PRMT8: variants seen among roughly 807,000 people sequenced by gnomAD.
PRMT8 encodes the protein protein arginine methyltransferase 8.
In PRMT8, 7 loss-of-function variants were observed where a neutral mutation model predicts 47.1. That is an observed-to-expected ratio of 0.15 (90% CI 0.08 to 0.28). The LOEUF (loss-of-function observed/expected upper bound fraction) is 0.28. Ranked by LOEUF, PRMT8 falls within the 10% of genes least tolerant of loss-of-function variation. The pLI, the probability that PRMT8 is intolerant of heterozygous loss-of-function variation, is 1.00. For synonymous variants in PRMT8, 188 were observed against 186.5 expected (o/e 1.01, Z -0.07); for missense variants, 237 against 505.4 (o/e 0.47, Z 5.09).
chr12:3,573,878 T>G (rs1424905900), intron 6 of PRMT8: 1 of 152,214 alleles, frequency 6.6e-6, no homozygotes, highest in East Asian at 1.9e-4. Context: ...AGCATACAAA[T>G]AATTATTGCA....
intron 1 of PRMT8, among the ~76,000 whole-genome samples, chr12:3,424,695 G>A (rs1864582882): frequency 6.6e-6 from 1 of 151,964 alleles, no homozygotes; most frequent in African/African-American, 2.4e-5. Flanking sequence ...TTGTTTCCTG[G>A]GCTACATACC....
chr12:3,397,566 G>A (rs865876936), intron 1 of PRMT8, among the ~76,000 whole-genome samples: 12 of 149,662 alleles, frequency 8.0e-5, no homozygotes, highest in Admixed American at 2.0e-4. Flanking sequence ...CAGTCTGCCC[G>A]TTCTCAGATC....
rs915516313 is a variant in PRMT8, at chr12:3,568,941, A to G, written c.624+93A>G. On this transcript the variant is annotated intron_variant, in intron 5 of 9. Coordinates refer to ENST00000382622, the MANE Select transcript of PRMT8 (RefSeq NM_019854.5). ...AGCCTAGGAGGCATACGAAGACTTC[A>G]GAGAAGACTGAGGCCAGGAGGTCAC... 5 of 1,534,232 alleles carry G rather than the reference A, an allele frequency of 3.3e-6. No individual in the cohort carries two copies. The African/African-American group carries it at 6.8e-5, about 21-fold the overall frequency.
intron 1 of PRMT8, 65 bp downstream of exon 1, chr12:3,491,765 G>A (rs1240146506): frequency 1.3e-6 from 2 of 1,548,630 alleles, no homozygotes; most frequent in Non-Finnish European, 8.7e-7. Flanking sequence ...CCGCGCCGCC[G>A]CCGCCGCTCA....
chr12:3,524,642 T>TAAAAAA (rs34644466), intron 1 of PRMT8, among the ~76,000 whole-genome samples: 5 of 89,288 alleles, frequency 5.6e-5, no homozygotes, highest in African/African-American at 4.5e-5. Context: ...CAAGACAATC[T>TAAAAAA]AAAAAAAAAA....
intron 1 of PRMT8, chr12:3,463,080 G>T (rs1388696320): frequency 6.6e-6 from 1 of 152,180 alleles, no homozygotes; most frequent in African/African-American, 2.4e-5. Flanking sequence ...CATCTGGGAG[G>T]ATGGAGACAC....
chr12:3,588,157 C>G (rs1375387636), intron 8 of PRMT8, among the ~76,000 whole-genome samples: 1 of 152,224 alleles, frequency 6.6e-6, no homozygotes, highest in East Asian at 1.9e-4. Context: ...GGACTTTGGG[C>G]AAGTTTACTT....
chr12:3,563,234 G>C (rs1448609864), intron 4 of PRMT8, among the ~76,000 whole-genome samples: 1 of 152,042 alleles, frequency 6.6e-6, no homozygotes, highest in African/African-American at 2.4e-5. Flanking sequence ...AAAGCTAGCA[G>C]GGCTTTAGAG....
At chr12:3,400,687 C>T (rs1864306414) in intron 1 of PRMT8, among the ~76,000 whole-genome samples, 2 of 152,156 alleles carry the variant, frequency 1.3e-5, no homozygotes, top group African/African-American at 2.4e-5. Context: ...GATACCAAAA[C>T]CTGGAAGAGA....
At chr12:3,423,049 T>C (rs1864560750) in intron 1 of PRMT8, among the ~76,000 whole-genome samples, 1 of 152,228 alleles carries the variant, frequency 6.6e-6, no homozygotes, top group South Asian at 2.1e-4. Flanking sequence ...TTATTACTAT[T>C]ATAACTTCTA....
In PRMT8 at chr12:3,441,421, G is replaced by C. The variant is rs147316670; in HGVS notation, c.48+59979G>C. Reference sequence around the variant, plus strand: ...ACGCTGCCAGGGCTCCCCTTTTCCAGAGGAGCCAACCTCCCCTTCCTTTGC... The same window carrying C: ...ACGCTGCCAGGGCTCCCCTTTTCCACAGGAGCCAACCTCCCCTTCCTTTGC... On this transcript the variant is annotated intron_variant, in intron 1 of 9. Coordinates refer to the PRMT8 transcript ENST00000452611. 2.3e-3 allele frequency among the ~76,000 whole-genome samples: 348 copies of C among 152,314 alleles called. 2 individuals are homozygous for C. Among genetic ancestry groups the C allele is most frequent in the African/African-American group, 8.1e-3 (336 of 41,566 alleles).
intron 1 of PRMT8, 53 bp from the exon 2 acceptor site, chr12:3,540,553 G>T: frequency 8.0e-7 from 1 of 1,248,562 alleles, no homozygotes. Flanking sequence ...AAGCCTCCGA[G>T]GGCGGGACCC....
In PRMT8 at chr12:3,436,217, A is replaced by G. The variant is rs780872436; in HGVS notation, c.48+54775A>G. ...GAGGATGGTTAGGATCCAATCACAC[A>G]CTAAGTTCGTGTCAGTCCTGGAGAA... On this transcript the variant is annotated intron_variant, in intron 1 of 9. Coordinates refer to the PRMT8 transcript ENST00000452611. This position sits in a 1 kb window ranked among gnomAD's most constrained non-coding sequence, Gnocchi z 4.2. Among the ~76,000 whole-genome samples the G allele has an allele frequency of 3.2e-4, 49 of 152,182 alleles. No homozygotes were observed. Among genetic ancestry groups the G allele is most frequent in the Non-Finnish European group, 5.4e-4 (37 of 68,034 alleles).
At chr12:3,491,728 C>G (rs775885662) in intron 1 of PRMT8, 28 bp downstream of exon 1, 24 of 1,588,082 alleles carry the variant, frequency 1.5e-5, no homozygotes, top group Middle Eastern at 3.6e-4. Context: ...CAGGGGCTCT[C>G]GGAGACCCCG....
In PRMT8 at chr12:3,583,117, G is replaced by A. The variant is rs1306751499; in HGVS notation, c.888G>A (p.Leu296=). The A allele has an allele frequency of 6.2e-7, 1 of 1,614,036 alleles. No homozygotes were observed. Among genetic ancestry groups the A allele is most frequent in the Non-Finnish European group, 8.5e-7 (1 of 1,180,030 alleles). Reference sequence around the variant, plus strand: ...TATCGTTCACATCTGCATTCTGCCTGCAGATACAGCGCAACGACTACGTCC... The same window carrying A: ...TATCGTTCACATCTGCATTCTGCCTACAGATACAGCGCAACGACTACGTCC... ...EELSFTSAFC[L]QIQRNDYVHA... Residue 296 remains leucine (L), a synonymous_variant, in exon 8 of 10, where the codon CTG becomes CTA. Transcript: ENST00000382622. The surrounding 1 kb of genome is among the most constrained non-coding windows in gnomAD (Gnocchi z 4.7).
intron 1 of PRMT8, among the ~76,000 whole-genome samples, chr12:3,539,299 A>C (rs1013768058): frequency 5.9e-5 from 9 of 152,334 alleles, no homozygotes; most frequent in African/African-American, 2.2e-4. Context: ...GGAAAAGCTG[A>C]GGCACAGTGA....
chr12:3,418,003 A>T (rs186804067), intron 1 of PRMT8, among the ~76,000 whole-genome samples: 1 of 152,220 alleles, frequency 6.6e-6, no homozygotes, highest in Admixed American at 6.5e-5. Context: ...AAAAATGGTC[A>T]TACCTACTTC....
At chr12:3,506,535 G>A in intron 1 of PRMT8, among the ~76,000 whole-genome samples, 1 of 152,182 alleles carries the variant, frequency 6.6e-6, no homozygotes, top group East Asian at 1.9e-4. Context: ...CATGTGAAGG[G>A]CCCATTACAG....
rs138048754 is a variant in PRMT8, at chr12:3,509,010, C to T, written c.75+17310C>T. On this transcript the variant is annotated intron_variant, in intron 1 of 9. Coordinates refer to ENST00000382622, the MANE Select transcript of PRMT8 (RefSeq NM_019854.5). ...CTCCCCATTCCAGGCCCACTGTGGC[C>T]GTCCCTGTTCGTGTCTCTTCACCTC... 6.3e-3 allele frequency among the ~76,000 whole-genome samples: 955 copies of T among 152,288 alleles called. 6 individuals carry two copies. The highest frequency in any genetic ancestry group is 0.024 in the Middle Eastern group (7 of 294).
Sources: allele counts gnomAD v4.1 joint callset (sites outside exome capture counted in the v4.1 genomes callset), GRCh38; gene constraint gnomAD v4.1.1; non-coding constraint Gnocchi (gnomAD v3.1); transcripts MANE v1.5; gene names NCBI Gene and HGNC (gene_info 2026-07-23, HGNC 2026-07-21).